Variants in NRG1 observed in about 807,000 individuals in gnomAD.
NRG1 encodes neuregulin 1.
A neutral mutation model predicts 63.8 loss-of-function variants in NRG1; 18 were observed. The observed-to-expected ratio is 0.28, with a 90% confidence interval of 0.19 to 0.42. The LOEUF (loss-of-function observed/expected upper bound fraction) is 0.42. NRG1 is among the 10% of genes least tolerant of loss of function. NRG1 has a pLI of 1.00. For missense variants in NRG1, 762 were observed against 814.7 expected (o/e 0.94, Z 0.79); for synonymous variants, 302 against 301.3 (o/e 1.00, Z -0.02).
chr8:32,614,392 T>C, intron 3 of NRG1, 122 bp from the exon 4 acceptor site: 1 of 850,584 alleles, frequency 1.2e-6, no homozygotes, highest in South Asian at 1.6e-5. Flanking sequence ...GCCTGGACTT[T>C]TCTCACTCCC....
At chr8:32,739,521 C>T (rs1261587035) in intron 6 of NRG1, among the ~76,000 whole-genome samples, 2 of 152,196 alleles carry the variant, frequency 1.3e-5, no homozygotes, top group Non-Finnish European at 2.9e-5. Flanking sequence ...CCCAGTTTTC[C>T]GTATGATTTT....
chr8:32,729,063 G>A (rs541349765), intron 6 of NRG1, among the ~76,000 whole-genome samples: 122 of 151,966 alleles, frequency 8.0e-4, no homozygotes, highest in African/African-American at 2.3e-3. Flanking sequence ...GCGAGACTCC[G>A]TCCCAAAAAA....
At chr8:32,763,779 A>G (rs984052611) in exon 12 of NRG1, 2 of 1,571,120 alleles carry the variant, frequency 1.3e-6, no homozygotes, top group Non-Finnish European at 1.7e-6. Flanking sequence ...CCCGGCTCGT[A>G]TGTCACCTGT....
intron 1 of NRG1, among the ~76,000 whole-genome samples, chr8:32,438,783 TA>T (rs1040477663): frequency 2.3e-4 from 35 of 152,330 alleles, no homozygotes; most frequent in African/African-American, 6.3e-4. Context: ...CTTTAGTGGC[TA>T]ATGATGTTGA....
intron 1 of NRG1, among the ~76,000 whole-genome samples, chr8:32,271,440 C>T (rs779780466): frequency 2.6e-5 from 4 of 152,092 alleles, no homozygotes; most frequent in African/African-American, 4.8e-5. Context: ...TTTGTCACCA[C>T]GTAAATTCCT....
At chr8:32,169,097 G>C (rs1343525285) in intron 1 of NRG1, among the ~76,000 whole-genome samples, 2 of 152,092 alleles carry the variant, frequency 1.3e-5, no homozygotes, top group African/African-American at 4.8e-5. Context: ...AATAATTTAA[G>C]CTTCTAAAAT....
intron 5 of NRG1, among the ~76,000 whole-genome samples, chr8:32,637,406 G>C (rs1851539350): frequency 6.6e-6 from 1 of 152,084 alleles, no homozygotes; most frequent in Admixed American, 6.5e-5. Flanking sequence ...TTTGGACCGA[G>C]GGTTTTCTAG....
At chr8:32,366,673 GTGTGTATA>G (rs1336139323) in intron 1 of NRG1, among the ~76,000 whole-genome samples, 2 of 42,982 alleles carry the variant, frequency 4.7e-5, no homozygotes, top group African/African-American at 1.7e-4. Flanking sequence ...GTGTGTGTGT[GTGTGTATA>G]TATATATATA....
Position 32,280,109 on chromosome 8 carries a change from TAATA to T in NRG1, c.38-315715_38-315712del, listed in dbSNP as rs201641439. Reference sequence around the variant, plus strand: ...AAATGCTGATAAATTCCTGTATGAATAATAAATGAATGAACAAACAAGAGCATTT... The same window carrying T: ...AAATGCTGATAAATTCCTGTATGAATAATGAATGAACAAACAAGAGCATTT... On this transcript the variant is annotated intron_variant, in intron 1 of 10. Coordinates refer to the NRG1 transcript ENST00000519301. Among the ~76,000 whole-genome samples, 1,420 of 152,346 alleles carry T rather than the reference TAATA, an allele frequency of 9.3e-3. 16 individuals are homozygous for T. Among genetic ancestry groups the T allele is most frequent in the Admixed American group, 0.019 (298 of 15,302 alleles).
At chr8:31,972,704 C>A (rs1022750052) in intron 1 of NRG1, among the ~76,000 whole-genome samples, 2 of 152,118 alleles carry the variant, frequency 1.3e-5, no homozygotes, top group African/African-American at 4.8e-5. Context: ...ACCACTCCTG[C>A]AGCCAGTCAG....
chr8:32,501,485 G>C (rs1378246805), intron 1 of NRG1, among the ~76,000 whole-genome samples: 1 of 152,058 alleles, frequency 6.6e-6, no homozygotes, highest in African/African-American at 2.4e-5. Flanking sequence ...AGTTTTCCAG[G>C]GGCCCTCTGG....
At chr8:32,012,677 C>T (rs1177770536) in intron 1 of NRG1, among the ~76,000 whole-genome samples, 2 of 152,174 alleles carry the variant, frequency 1.3e-5, no homozygotes, top group Middle Eastern at 3.4e-3. Context: ...GGCTCAGCTT[C>T]CTCAACTGGA....
chr8:32,572,855 CAT>C (rs1838871499), intron 1 of NRG1, among the ~76,000 whole-genome samples: 1 of 152,050 alleles, frequency 6.6e-6, no homozygotes, highest in Non-Finnish European at 1.5e-5. Flanking sequence ...AGAAGGAAAT[CAT>C]CATCAAATAA....
chr8:32,701,363 A>G (rs1814829462), intron 5 of NRG1, among the ~76,000 whole-genome samples: 1 of 152,184 alleles, frequency 6.6e-6, no homozygotes, highest in African/African-American at 2.4e-5. Context: ...TGTTGAAATC[A>G]AGACACAAGA....
At chr8:32,764,751 A>T (rs1712827096) in exon 12 of NRG1, 1 of 171,338 alleles carries the variant, frequency 5.8e-6, no homozygotes, top group Admixed American at 5.6e-5. Context: ...TGTTGACTGG[A>T]TGTATGATTT....
intron 1 of NRG1, chr8:32,221,105 GA>G (rs1358560408): frequency 2.0e-5 from 3 of 151,982 alleles, no homozygotes; most frequent in African/African-American, 4.8e-5. Flanking sequence ...GAAATGAAAT[GA>G]TTTTTTTAGC....
At chr8:32,666,489 A>AG (rs1000080961) in intron 5 of NRG1, among the ~76,000 whole-genome samples, 2 of 152,092 alleles carry the variant, frequency 1.3e-5, no homozygotes, top group Non-Finnish European at 1.5e-5. Context: ...ATTTTTCAAG[A>AG]GGGGGAAAAA....
intron 1 of NRG1, among the ~76,000 whole-genome samples, chr8:32,201,066 C>T (rs1175981585): frequency 1.3e-5 from 2 of 152,172 alleles, no homozygotes; most frequent in African/African-American, 2.4e-5. Flanking sequence ...GGCCAACTTA[C>T]TTGTACCTTG....
At chr8:32,058,549 A>G (rs1025104506) in intron 1 of NRG1, among the ~76,000 whole-genome samples, 1 of 151,966 alleles carries the variant, frequency 6.6e-6, no homozygotes, top group African/African-American at 2.4e-5. Flanking sequence ...CTCACTCCCT[A>G]GTGAAGTGTT....
Sources: allele counts gnomAD v4.1 joint callset (sites outside exome capture counted in the v4.1 genomes callset), GRCh38; gene constraint gnomAD v4.1.1; transcripts MANE v1.5; gene names NCBI Gene and HGNC (gene_info 2026-07-23, HGNC 2026-07-21).